Variants in ANGPT1 observed in about 807,000 individuals in gnomAD.
ANGPT1 encodes the protein angiopoietin 1.
In ANGPT1, 17 loss-of-function variants were observed where a neutral mutation model predicts 62.2. That is an observed-to-expected ratio of 0.27 (90% CI 0.19 to 0.41). The LOEUF (loss-of-function observed/expected upper bound fraction) is 0.41, where lower values mean the gene tolerates loss of function less well. Among genes scored for constraint, ANGPT1 ranks in the 10% least tolerant of loss-of-function variants. The pLI is 1.00. For missense variants in ANGPT1, 478 were observed against 594.9 expected, an observed-to-expected ratio of 0.80 and a Z score of 2.04; for synonymous variants, 199 against 198.9, an observed-to-expected ratio of 1.00 and a Z score of 0.00.
intron 1 of ANGPT1, among the ~76,000 whole-genome samples, chr8:107,396,397 G>C (rs1357370196): frequency 6.6e-6 from 1 of 151,352 alleles, no homozygotes; most frequent in Non-Finnish European, 1.5e-5. Context: ...TATTATAATA[G>C]GTAAACCAAA....
At chr8:107,357,736 T>A (rs1239548756) in intron 1 of ANGPT1, among the ~76,000 whole-genome samples, 1 of 152,156 alleles carries the variant, frequency 6.6e-6, no homozygotes, top group Non-Finnish European at 1.5e-5. Context: ...GCAGATGATA[T>A]AAGATACTCA....
chr8:107,324,131 AT>A (rs1267405189), intron 3 of ANGPT1, among the ~76,000 whole-genome samples: 1 of 149,136 alleles, frequency 6.7e-6, no homozygotes, highest in Non-Finnish European at 1.5e-5. Context: ...TGGCCTGCCC[AT>A]GCTTGCCCCC....
intron 8 of ANGPT1, among the ~76,000 whole-genome samples, chr8:107,259,653 C>G (rs2514876): frequency 6.6e-6 from 1 of 152,010 alleles, no homozygotes; most frequent in African/African-American, 2.4e-5. Flanking sequence ...GAATGTAAAA[C>G]GGTAACATAT....
At chr8:107,437,582 C>A (rs1811365180) in intron 1 of ANGPT1, among the ~76,000 whole-genome samples, 1 of 152,154 alleles carries the variant, frequency 6.6e-6, no homozygotes, top group South Asian at 2.1e-4. Context: ...TCATTATGAA[C>A]TTGGCACAGT....
At chr8:107,350,905 T>G (rs1815918436) in intron 1 of ANGPT1, among the ~76,000 whole-genome samples, 1 of 152,160 alleles carries the variant, frequency 6.6e-6, no homozygotes, top group African/African-American at 2.4e-5. Flanking sequence ...GATGTATAAC[T>G]GTGAAATCCA....
chr8:107,423,061 G>A (rs942377703), intron 1 of ANGPT1, among the ~76,000 whole-genome samples: 4 of 152,224 alleles, frequency 2.6e-5, no homozygotes. Context: ...CTGATGTGCT[G>A]GAGTCCGCTC....
intron 1 of ANGPT1, among the ~76,000 whole-genome samples, chr8:107,414,147 G>C (rs949775971): frequency 6.6e-6 from 1 of 152,138 alleles, no homozygotes; most frequent in African/African-American, 2.4e-5. Flanking sequence ...AATATACACT[G>C]AAGGGAGAAT....
At chr8:107,361,543 T>C (rs1816164139) in intron 1 of ANGPT1, among the ~76,000 whole-genome samples, 1 of 27,364 alleles carries the variant, frequency 3.7e-5, no homozygotes, top group Non-Finnish European at 8.9e-5. Flanking sequence ...TATATCAATA[T>C]AGAATATATG....
At chr8:107,285,648 T>C (rs1814121453) in intron 6 of ANGPT1, among the ~76,000 whole-genome samples, 1 of 152,018 alleles carries the variant, frequency 6.6e-6, no homozygotes, top group South Asian at 2.1e-4. Context: ...ATAGTTTCTT[T>C]GTAGGGAGAA....
chr8:107,466,421 C>T (rs1812199748), intron 1 of ANGPT1, among the ~76,000 whole-genome samples: 1 of 152,016 alleles, frequency 6.6e-6, no homozygotes, highest in Non-Finnish European at 1.5e-5. Context: ...GGTTTTCCAA[C>T]TAAAGTGGGG....
chr8:107,432,611 C>A (rs1472274369), intron 1 of ANGPT1, among the ~76,000 whole-genome samples: 1 of 151,176 alleles, frequency 6.6e-6, no homozygotes, highest in African/African-American at 2.4e-5. Context: ...TTGCAGTGAG[C>A]CGAGATCGAG....
At chr8:107,439,778 T>G (rs981291181) in intron 1 of ANGPT1, among the ~76,000 whole-genome samples, 1 of 152,096 alleles carries the variant, frequency 6.6e-6, no homozygotes, top group Non-Finnish European at 1.5e-5. Flanking sequence ...ATAGTGTCCA[T>G]GAAAATAAGG....
intron 1 of ANGPT1, among the ~76,000 whole-genome samples, chr8:107,394,528 T>A (rs1816897214): frequency 6.6e-6 from 1 of 152,016 alleles, no homozygotes; most frequent in African/African-American, 2.4e-5. Flanking sequence ...AGAGTCAGAA[T>A]AAGGAGCTGG....
At chr8:107,256,439 C>G (rs1014556644) in intron 8 of ANGPT1, among the ~76,000 whole-genome samples, 5 of 152,156 alleles carry the variant, frequency 3.3e-5, no homozygotes, top group Non-Finnish European at 7.4e-5. Context: ...TGGTTTAAAG[C>G]ATTTTTTCAA....
chr8:107,434,080 G>T (rs1289041645), intron 1 of ANGPT1, among the ~76,000 whole-genome samples: 1 of 152,146 alleles, frequency 6.6e-6, no homozygotes, highest in Non-Finnish European at 1.5e-5. Context: ...TTGAGGAAAG[G>T]GGTGACTATT....
At chr8:107,454,936 C>T (rs1444396943) in intron 1 of ANGPT1, among the ~76,000 whole-genome samples, 3 of 152,002 alleles carry the variant, frequency 2.0e-5, no homozygotes, top group Non-Finnish European at 4.4e-5. Flanking sequence ...AAAACATTGC[C>T]TGGGCTTGTA....
chr8:107,377,516 T>C (rs528499886), intron 1 of ANGPT1, among the ~76,000 whole-genome samples: 3 of 152,186 alleles, frequency 2.0e-5, no homozygotes, highest in Admixed American at 2.0e-4. Context: ...GTAATCTCAC[T>C]GAAGGAGAAA....
At chr8:107,400,000 A>C (rs950765688) in intron 1 of ANGPT1, among the ~76,000 whole-genome samples, 1 of 152,156 alleles carries the variant, frequency 6.6e-6, no homozygotes. Flanking sequence ...TAGAAACACA[A>C]TAGAGCCACA....
At chr8:107,471,238 C>T (rs2130497910) in intron 1 of ANGPT1, among the ~76,000 whole-genome samples, 2 of 152,230 alleles carry the variant, frequency 1.3e-5, no homozygotes, top group Middle Eastern at 6.8e-3. Flanking sequence ...AGCTCATGTC[C>T]TTTGCAGGGA....
Sources: gnomAD v4.1 joint callset for allele counts (sites outside exome capture counted in the v4.1 genomes callset) on GRCh38, gnomAD v4.1.1 for gene constraint, MANE v1.5 for transcripts, NCBI Gene and HGNC (gene_info 2026-07-23, HGNC 2026-07-21) for gene names.